Variants in PLCB1 observed in about 807,000 individuals in gnomAD.
The protein encoded by PLCB1 is 1-phosphatidylinositol 4,5-bisphosphate phosphodiesterase beta-1.
A neutral mutation model predicts 161.8 loss-of-function variants in PLCB1; 46 were observed. The observed-to-expected ratio is 0.28, with a 90% CI of 0.22 to 0.36. The LOEUF is 0.36. Ranked by LOEUF, PLCB1 falls within the 10% of genes least tolerant of loss-of-function variation. The pLI, the probability that PLCB1 is intolerant of heterozygous loss-of-function variation, is 1.00. For synonymous variants in PLCB1, 517 were observed against 503.7 expected, an observed-to-expected ratio of 1.03 and a Z score of -0.35; for missense variants, 1,016 against 1,472.5, an observed-to-expected ratio of 0.69 and a Z score of 5.07.
In PLCB1 at chr20:8,362,318, T is replaced by C. The variant is rs1050882906; in HGVS notation, c.178-9064T>C. On this transcript the variant is annotated intron_variant, in intron 2 of 31. Coordinates refer to ENST00000338037, the MANE Select transcript of PLCB1 (RefSeq NM_015192.4). The stretch of plus-strand genomic sequence containing the variant: ...GACATCTCGTTAAAATGAAGGCAGT[T>C]ACTAGCATGTTAAATCTGACCTGTT... Among the ~76,000 whole-genome samples, 12 of 152,338 alleles carry C rather than the reference T, an allele frequency of 7.9e-5. No homozygotes were observed. The South Asian group carries it at 1.0e-3, about 13-fold the overall frequency.
chr20:8,717,376 ATGTTC>A (rs1979377665), intron 13 of PLCB1, among the ~76,000 whole-genome samples: 2 of 152,192 alleles, frequency 1.3e-5, no homozygotes, highest in African/African-American at 4.8e-5. Flanking sequence ...TTGGGTTTCT[ATGTTC>A]CATTGGAAAA....
intron 3 of PLCB1, among the ~76,000 whole-genome samples, chr20:8,434,802 G>T (rs1288737597): frequency 6.6e-6 from 1 of 152,170 alleles, no homozygotes; most frequent in Non-Finnish European, 1.5e-5. Flanking sequence ...AATACTGGAG[G>T]AGTTGAGGAA....
At chr20:8,876,473 G>C (rs960994456) in intron 31 of PLCB1, among the ~76,000 whole-genome samples, 1 of 152,064 alleles carries the variant, frequency 6.6e-6, no homozygotes, top group African/African-American at 2.4e-5. Flanking sequence ...GAAAGGATGG[G>C]GCCAGCTGTG....
At chr20:8,707,181 CA>C (rs1978730759) in intron 11 of PLCB1, among the ~76,000 whole-genome samples, 1 of 152,100 alleles carries the variant, frequency 6.6e-6, no homozygotes, top group Non-Finnish European at 1.5e-5. Context: ...TCCATGCAGG[CA>C]AATCCTTCTT....
At chr20:8,437,143 C>G (rs986658036) in intron 3 of PLCB1, among the ~76,000 whole-genome samples, 1 of 152,036 alleles carries the variant, frequency 6.6e-6, no homozygotes, top group Non-Finnish European at 1.5e-5. Flanking sequence ...GCACGCCTTC[C>G]CCTGTAGCCA....
intron 31 of PLCB1, among the ~76,000 whole-genome samples, chr20:8,822,176 A>G (rs560250781): frequency 6.6e-6 from 1 of 152,308 alleles, no homozygotes; most frequent in South Asian, 2.1e-4. Flanking sequence ...GGAGATATTC[A>G]ACAACTTTAT....
rs146456307 is a variant in PLCB1 at position 8,173,688 on chromosome 20, A to G, written c.177+23317A>G. ...TCAAGATGGATCAGATTTTGGAATT[A>G]TCTTACAAGAATTTTAAAGCAGCCA... is the stretch of plus-strand genomic sequence containing the variant. On this transcript the variant is annotated intron_variant, in intron 2 of 31. Coordinates refer to ENST00000338037, the MANE Select transcript of PLCB1 (RefSeq NM_015192.4). Among the ~76,000 whole-genome samples the G allele has an allele frequency of 5.1e-3, 776 of 152,348 alleles. 4 individuals carry two copies. The highest frequency in any genetic ancestry group is 0.017 in the African/African-American group (723 of 41,586).
intron 2 of PLCB1, among the ~76,000 whole-genome samples, chr20:8,202,665 C>G (rs1248470950): frequency 1.3e-5 from 2 of 152,110 alleles, no homozygotes; most frequent in South Asian, 2.1e-4. Context: ...GTTGAGAGTA[C>G]AGTGTGTGCC....
intron 9 of PLCB1, among the ~76,000 whole-genome samples, chr20:8,662,216 A>ATTATTATATAATTCTATATATAATTAT (rs1409541793): frequency 4.7e-3 from 202 of 43,368 alleles, no homozygotes; most frequent in African/African-American, 0.019. Flanking sequence ...ATTATATATA[A>ATTATTATATAATTCTATATATAATTAT]TTATTATATA....
In PLCB1 at chr20:8,672,694, T is replaced by G. The variant is rs147102253; in HGVS notation, c.863-12238T>G. 1.8e-4 allele frequency among the ~76,000 whole-genome samples: 28 copies of G among 152,270 alleles called. 1 individual carries two copies. In the East Asian group the frequency reaches 5.4e-3, roughly 29 times the overall value. ...TTTGACTATGCCCTATGTACTTTTT[T>G]CTTGCCCTGATTCACAGAGCTCATG... On this transcript the variant is annotated intron_variant, in intron 9 of 31. Coordinates refer to ENST00000338037, the MANE Select transcript of PLCB1 (RefSeq NM_015192.4).
In PLCB1 at chr20:8,739,331, G is replaced by A. The variant is rs377440334; in HGVS notation, c.2279G>A (p.Arg760His). The A allele has an allele frequency of 4.3e-5, 69 of 1,613,270 alleles. No individual in the cohort carries two copies. The highest frequency in any genetic ancestry group is 5.3e-5 in the Non-Finnish European group (62 of 1,179,298). ...YEEGGKFIGH[R>H]ILPVQAIRPG... is the part of the protein sequence containing the mutation. Reference sequence around the variant, plus strand: ...GAAGGAGGTAAATTCATTGGCCACCGTATCTTGCCAGTGCAAGCCATTCGG... The same window carrying A: ...GAAGGAGGTAAATTCATTGGCCACCATATCTTGCCAGTGCAAGCCATTCGG... Residue 760 changes from arginine to histidine, a missense_variant, in exon 21 of 32, where the codon CGT (arginine) becomes CAT (histidine). Coordinates refer to ENST00000338037, the MANE Select transcript of PLCB1 (RefSeq NM_015192.4).
At chr20:8,836,084 G>T (rs1471459145) in intron 31 of PLCB1, among the ~76,000 whole-genome samples, 2 of 151,994 alleles carry the variant, frequency 1.3e-5, no homozygotes, top group East Asian at 3.9e-4. Flanking sequence ...GAGTGACGGG[G>T]CCCTGTGTCT....
At position 8,774,131 on chromosome 20, in the gene PLCB1, G is replaced by T. The variant is rs75433600; in HGVS notation, c.2931-408G>T. ...CCTCTAACAAAGTCTGCTCAATGCA[G>T]TGTCCTCTGAAGTTTTCATACGGGA... On this transcript the variant is annotated intron_variant, in intron 26 of 31. Coordinates refer to ENST00000338037, the MANE Select transcript of PLCB1 (RefSeq NM_015192.4). 6.2e-3 allele frequency among the ~76,000 whole-genome samples: 944 copies of T among 152,346 alleles called. 9 individuals are homozygous for T. The highest frequency in any genetic ancestry group is 0.021 in the African/African-American group (891 of 41,570).
chr20:8,797,920 A>C (rs1284572036), intron 31 of PLCB1, among the ~76,000 whole-genome samples: 5 of 152,218 alleles, frequency 3.3e-5, no homozygotes, highest in Non-Finnish European at 5.9e-5. Context: ...ATGGCCAGGC[A>C]TGGTGGCTTA....
chr20:8,221,447 A>T (rs974346793), intron 2 of PLCB1, among the ~76,000 whole-genome samples: 1 of 152,176 alleles, frequency 6.6e-6, no homozygotes, highest in Non-Finnish European at 1.5e-5. Context: ...ATTGAAAGTG[A>T]GGAGCTTGAA....
intron 3 of PLCB1, among the ~76,000 whole-genome samples, chr20:8,391,814 TA>T (rs1987609568): frequency 7.3e-6 from 1 of 136,436 alleles, no homozygotes; most frequent in Non-Finnish European, 1.5e-5. Flanking sequence ...TATATATATA[TA>T]TATATATATA....
intron 2 of PLCB1, among the ~76,000 whole-genome samples, chr20:8,345,203 C>G (rs189977191): frequency 6.6e-6 from 1 of 152,110 alleles, no homozygotes; most frequent in Non-Finnish European, 1.5e-5. Flanking sequence ...TATGTGCTGA[C>G]ATGGATGCAT....
chr20:8,256,095 T>G (rs1981397207), intron 2 of PLCB1, among the ~76,000 whole-genome samples: 1 of 152,098 alleles, frequency 6.6e-6, no homozygotes. Context: ...TCTGCGATGT[T>G]TGCACAATGA....
intron 2 of PLCB1, among the ~76,000 whole-genome samples, chr20:8,320,331 C>G (rs73895789): frequency 6.6e-6 from 1 of 152,120 alleles, no homozygotes; most frequent in African/African-American, 2.4e-5. Context: ...ATGCCAGACT[C>G]AGTTCTAGGA....
Sources: gnomAD v4.1 joint callset for allele counts (sites outside exome capture counted in the v4.1 genomes callset) on GRCh38, gnomAD v4.1.1 for gene constraint, MANE v1.5 for transcripts, NCBI Gene and HGNC (gene_info 2026-07-23, HGNC 2026-07-21) for gene names.